MACROD2: variants seen among roughly 807,000 people sequenced by gnomAD.
The protein encoded by MACROD2 is ADP-ribose glycohydrolase MACROD2.
A neutral mutation model predicts 70.4 loss-of-function variants in MACROD2; 36 were observed. The observed-to-expected ratio is 0.51, with a 90% confidence interval of 0.39 to 0.68. MACROD2 has a LOEUF of 0.68. Ranked by LOEUF, MACROD2 falls within the 30% of genes least tolerant of loss-of-function variation. The pLI, the probability that MACROD2 is intolerant of heterozygous loss-of-function variation, is 0.00. For missense variants in MACROD2, 496 were observed against 538.4 expected (o/e 0.92, Z 0.78); for synonymous variants, 172 against 178.8 (o/e 0.96, Z 0.30).
chr20:15,433,814 T>C (rs2046394403), intron 7 of MACROD2, among the ~76,000 whole-genome samples: 1 of 150,054 alleles, frequency 6.7e-6, no homozygotes, highest in South Asian at 2.1e-4. Context: ...GGTCTATAAC[T>C]AACAAAACAG....
At chr20:14,481,284 G>T (rs143037649) in intron 3 of MACROD2, among the ~76,000 whole-genome samples, 42 of 151,996 alleles carry the variant, frequency 2.8e-4, no homozygotes, top group African/African-American at 9.9e-4. Flanking sequence ...AGCGATGTAT[G>T]TTTAATTGTT....
intron 5 of MACROD2, among the ~76,000 whole-genome samples, chr20:14,855,953 TA>T (rs2073251747): frequency 6.7e-6 from 1 of 148,764 alleles, no homozygotes; most frequent in Non-Finnish European, 1.5e-5. Flanking sequence ...AAAATGTTGT[TA>T]TTTCTAAGCC....
rs2075691993 is a variant in MACROD2 at position 15,080,139 on chromosome 20, T to TAAATA, written c.419-149798_419-149794dup. ...CCAAATAAATAAATAAATAAATAAA[T>TAAATA]AAATAAATAAATAAATAAATAACAT... On this transcript the variant is annotated intron_variant, in intron 5 of 17. Coordinates refer to ENST00000684519, the MANE Select transcript of MACROD2 (RefSeq NM_001351661.2). Among the ~76,000 whole-genome samples the TAAATA allele has an allele frequency of 2.1e-5, 3 of 141,078 alleles. 1 individual carries two copies. The South Asian group carries it at 6.6e-4, about 31-fold the overall frequency. The allele number at this position is 141,078 out of a possible 152,430, so 92.6% of individuals were successfully genotyped here. A position where few individuals can be genotyped will look rare whatever the true frequency, so the allele number is the denominator to read the frequency against.
chr20:16,002,465 C>T (rs2066723269), intron 15 of MACROD2, among the ~76,000 whole-genome samples: 1 of 152,002 alleles, frequency 6.6e-6, no homozygotes, highest in South Asian at 2.1e-4. Flanking sequence ...TATCTATAAG[C>T]AAATAGGGAA....
intron 5 of MACROD2, among the ~76,000 whole-genome samples, chr20:14,976,838 T>A (rs1215041301): frequency 6.6e-6 from 1 of 152,130 alleles, no homozygotes; most frequent in Non-Finnish European, 1.5e-5. Context: ...ATTTGGGGGA[T>A]TAAGTCAAGG....
intron 7 of MACROD2, among the ~76,000 whole-genome samples, chr20:15,432,075 A>G (rs1199152778): frequency 6.6e-6 from 1 of 152,022 alleles, no homozygotes; most frequent in Non-Finnish European, 1.5e-5. Context: ...ACTTTTTTTC[A>G]GACCATTAAT....
At chr20:15,881,691 G>A (rs919675148) in intron 9 of MACROD2, among the ~76,000 whole-genome samples, 2 of 152,056 alleles carry the variant, frequency 1.3e-5, no homozygotes, top group East Asian at 3.9e-4. Context: ...TGACCTTGGG[G>A]CCTTTCGTTA....
intron 5 of MACROD2, among the ~76,000 whole-genome samples, chr20:15,169,898 G>A (rs1404468501): frequency 6.6e-6 from 1 of 151,882 alleles, no homozygotes; most frequent in African/African-American, 2.4e-5. Flanking sequence ...TGATGGTTTT[G>A]TTGTCACTGT....
intron 4 of MACROD2, among the ~76,000 whole-genome samples, chr20:14,631,151 C>G (rs1481068275): frequency 6.6e-6 from 1 of 152,054 alleles, no homozygotes; most frequent in Non-Finnish European, 1.5e-5. Context: ...CCAGACAAAA[C>G]CAGAATGGAA....
intron 4 of MACROD2, among the ~76,000 whole-genome samples, chr20:14,608,060 C>G (rs1477984704): frequency 1.3e-5 from 2 of 152,022 alleles, no homozygotes; most frequent in Non-Finnish European, 2.9e-5. Context: ...CGACATCAGC[C>G]TGGCCAATAT....
At chr20:15,023,754 T>C (rs2075208513) in intron 5 of MACROD2, among the ~76,000 whole-genome samples, 1 of 152,094 alleles carries the variant, frequency 6.6e-6, no homozygotes, top group Non-Finnish European at 1.5e-5. Context: ...TTACTTCCCA[T>C]AGATTCGCTC....
intron 5 of MACROD2, among the ~76,000 whole-genome samples, chr20:14,950,327 A>G (rs1425091592): frequency 6.6e-6 from 1 of 152,100 alleles, no homozygotes; most frequent in Non-Finnish European, 1.5e-5. Context: ...GGTTCAAGAG[A>G]GATGACTCTT....
chr20:14,250,460 C>G (rs550451704), intron 3 of MACROD2, among the ~76,000 whole-genome samples: 1 of 152,220 alleles, frequency 6.6e-6, no homozygotes, highest in Admixed American at 6.5e-5. Flanking sequence ...TACTACCCTC[C>G]ATGCTACTAC....
intron 3 of MACROD2, among the ~76,000 whole-genome samples, chr20:14,161,296 G>A (rs540091086): frequency 6.1e-5 from 9 of 146,954 alleles, no homozygotes; most frequent in Non-Finnish European, 1.2e-4. Context: ...CAAGTGATTC[G>A]CCTGCCTCAG....
intron 4 of MACROD2, among the ~76,000 whole-genome samples, chr20:14,554,026 A>G (rs1568667541): frequency 6.6e-6 from 1 of 152,106 alleles, no homozygotes; most frequent in Non-Finnish European, 1.5e-5. Context: ...CAGGTCTTCT[A>G]CAGCTGTTTT....
At chr20:14,417,101 CTA>C in intron 3 of MACROD2, among the ~76,000 whole-genome samples, 1 of 115,164 alleles carries the variant, frequency 8.7e-6, no homozygotes, top group Non-Finnish European at 1.9e-5. Context: ...ATCTATCTAT[CTA>C]TCTATCTCTG....
intron 5 of MACROD2, among the ~76,000 whole-genome samples, chr20:14,956,757 C>G (rs865943923): frequency 3.9e-5 from 6 of 152,086 alleles, no homozygotes; most frequent in Non-Finnish European, 7.4e-5. Flanking sequence ...TAGACAATTG[C>G]TAGAGGACAA....
intron 2 of MACROD2, among the ~76,000 whole-genome samples, chr20:14,049,428 A>G (rs1268914969): frequency 6.6e-6 from 1 of 151,948 alleles, no homozygotes; most frequent in African/African-American, 2.4e-5. Context: ...TGATGTGATA[A>G]TCAGAGTAAT....
intron 8 of MACROD2, among the ~76,000 whole-genome samples, chr20:15,560,580 T>C (rs2048228027): frequency 6.6e-6 from 1 of 151,524 alleles, no homozygotes; most frequent in East Asian, 2.0e-4. Context: ...CTGGCCAACA[T>C]GGTTAAAACC....
Sources: gnomAD v4.1 joint callset for allele counts (sites outside exome capture counted in the v4.1 genomes callset) on GRCh38, gnomAD v4.1.1 for gene constraint, MANE v1.5 for transcripts, NCBI Gene and HGNC (gene_info 2026-07-23, HGNC 2026-07-21) for gene names.